EDARADD: variants seen among roughly 807,000 people sequenced by gnomAD.
EDARADD encodes the protein ectodysplasin-A receptor-associated adapter protein.
EDARADD carries 20 observed loss-of-function variants against 25.6 expected under a neutral mutation model. That is an observed-to-expected ratio of 0.78 (90% CI 0.55 to 1.14). The LOEUF is 1.14. Among genes scored for constraint, EDARADD ranks in the 50% most tolerant of loss-of-function variants. The pLI, the probability that EDARADD is intolerant of heterozygous loss-of-function variation, is 0.00. For missense variants in EDARADD, 225 were observed against 270.1 expected (o/e 0.83, Z 1.17); for synonymous variants, 86 against 94.4 (o/e 0.91, Z 0.52).
chr1:236,464,806 C>T (rs1033289543), intron 4 of EDARADD, among the ~76,000 whole-genome samples: 6 of 152,166 alleles, frequency 3.9e-5, no homozygotes, highest in Admixed American at 2.6e-4. Flanking sequence ...GCTGTCCTTT[C>T]GTTCCTTCCT....
chr1:236,419,990 CA>C (rs529450845), intron 3 of EDARADD, among the ~76,000 whole-genome samples: 10 of 152,058 alleles, frequency 6.6e-5, no homozygotes, highest in Non-Finnish European at 1.3e-4. Context: ...CCAGCCTGGT[CA>C]ACATGGCGAT....
intron 4 of EDARADD, among the ~76,000 whole-genome samples, chr1:236,428,339 C>G (rs1407720759): frequency 6.6e-6 from 1 of 152,206 alleles, no homozygotes; most frequent in Non-Finnish European, 1.5e-5. Context: ...TTTCTTAGTA[C>G]AGAACAAAAT....
intron 3 of EDARADD, among the ~76,000 whole-genome samples, chr1:236,351,615 C>T (rs1666915909): frequency 6.6e-6 from 1 of 151,146 alleles, no homozygotes; most frequent in African/African-American, 2.4e-5. Flanking sequence ...GAGGCTGAGG[C>T]AGGAGAATCG....
At chr1:236,473,197 T>C (rs1238978562) in intron 5 of EDARADD, among the ~76,000 whole-genome samples, 1 of 152,080 alleles carries the variant, frequency 6.6e-6, no homozygotes, top group Non-Finnish European at 1.5e-5. Flanking sequence ...AGTAAGTCAT[T>C]TTATATGGTG....
At chr1:236,369,958 C>G (rs1009597617) in intron 3 of EDARADD, among the ~76,000 whole-genome samples, 1 of 152,200 alleles carries the variant, frequency 6.6e-6, no homozygotes, top group Non-Finnish European at 1.5e-5. Flanking sequence ...TATGTAAGTG[C>G]TGGGTCTAAG....
chr1:236,427,305 A>T lies in EDARADD; in HGVS notation c.161-87A>T, dbSNP rs992655597. ...ATGCCAAGGCAGCATGTGACACTGA[A>T]CCTTAATTTTAGGTCTTACACCACG... is the stretch of plus-strand genomic sequence containing the variant. On this transcript the variant is annotated intron_variant, in intron 3 of 5. Transcript: ENST00000334232. 4.5e-6 allele frequency: 6 copies of T among 1,343,514 alleles called. No homozygotes were observed. In the African/African-American group the frequency reaches 8.9e-5, roughly 20 times the overall value. The allele number at this position is 1,343,514 out of a possible 1,614,324, so 83.2% of individuals were successfully genotyped here.
intron 4 of EDARADD, among the ~76,000 whole-genome samples, chr1:236,447,203 T>TCCTTTCTTTCCTTTCTTTCCTTTCTTTC (rs1491534464): frequency 1.2e-5 from 1 of 80,090 alleles, no homozygotes; most frequent in Admixed American, 1.4e-4. Flanking sequence ...TTTCTTTCTT[T>TCCTTTCTTTCCTTTCTTTCCTTTCTTTC]CTTTCTTTCT....
At chr1:236,369,969 G>A (rs1414881114) in intron 3 of EDARADD, among the ~76,000 whole-genome samples, 1 of 152,182 alleles carries the variant, frequency 6.6e-6, no homozygotes, top group African/African-American at 2.4e-5. Context: ...TGGGTCTAAG[G>A]GATAAGGTTG....
chr1:236,428,069 A>G (rs1657975164), intron 4 of EDARADD, among the ~76,000 whole-genome samples: 1 of 152,162 alleles, frequency 6.6e-6, no homozygotes, highest in East Asian at 1.9e-4. Context: ...AGGTCAGCAG[A>G]TAAACAAGTG....
At chr1:236,428,822 C>G (rs997216354) in intron 4 of EDARADD, among the ~76,000 whole-genome samples, 2 of 151,958 alleles carry the variant, frequency 1.3e-5, no homozygotes, top group Non-Finnish European at 2.9e-5. Flanking sequence ...GGAGATCACG[C>G]CACTGCACTC....
chr1:236,430,084 T>C (rs916546358), intron 4 of EDARADD, among the ~76,000 whole-genome samples: 2 of 152,240 alleles, frequency 1.3e-5, no homozygotes, highest in African/African-American at 4.8e-5. Flanking sequence ...CAATAGTTGA[T>C]AAAATAAGCA....
intron 3 of EDARADD, among the ~76,000 whole-genome samples, chr1:236,364,862 A>C (rs1424744909): frequency 4.6e-5 from 7 of 152,134 alleles, no homozygotes; most frequent in Non-Finnish European, 1.0e-4. Context: ...TTCCAATCTG[A>C]TGCTTTTTAT....
intron 3 of EDARADD, among the ~76,000 whole-genome samples, chr1:236,370,751 A>C (rs1330104244): frequency 6.6e-6 from 1 of 152,170 alleles, no homozygotes; most frequent in Non-Finnish European, 1.5e-5. Context: ...AAGCACACTG[A>C]TCTTAGGAGC....
rs1225240666 is a variant in EDARADD at position 236,402,118 on chromosome 1, T to C, written c.62-7098T>C. 3.3e-5 allele frequency among the ~76,000 whole-genome samples: 5 copies of C among 152,208 alleles called. No individual in the cohort carries two copies. The East Asian group carries it at 7.7e-4, about 24-fold the overall frequency. On this transcript the variant is annotated intron_variant, in intron 1 of 5. Coordinates refer to ENST00000334232, the MANE Select transcript of EDARADD (RefSeq NM_145861.4). ...CTGAGATTACAGGCATCCATCACCG[T>C]GCCCAGTTAATTTTTTTATTTTTAA...
chr1:236,477,404 A>G (rs528914254), intron 5 of EDARADD, among the ~76,000 whole-genome samples: 1 of 152,178 alleles, frequency 6.6e-6, no homozygotes, highest in South Asian at 2.1e-4. Flanking sequence ...AGTCCCAGCT[A>G]CTCGGGAGGC....
At chr1:236,360,793 C>T (rs1366882306) in intron 3 of EDARADD, among the ~76,000 whole-genome samples, 1 of 152,026 alleles carries the variant, frequency 6.6e-6, no homozygotes, top group East Asian at 1.9e-4. Context: ...GTGATTTGCC[C>T]ACCTTGGCCT....
Position 236,483,760 on chromosome 1 carries a change from A to G in EDARADD, c.*1111A>G. 1.3e-6 allele frequency: 2 copies of G among 1,492,592 alleles called. No individual in the cohort carries two copies. The highest frequency in any genetic ancestry group is 1.9e-6 in the Non-Finnish European group (2 of 1,071,332). The allele number at this position is 1,492,592 out of a possible 1,614,324, so 92.5% of individuals were successfully genotyped here. A position where few individuals can be genotyped will look rare whatever the true frequency, so the allele number is the denominator to read the frequency against. On this transcript the variant is annotated 3_prime_UTR_variant, in exon 6 of 6. Transcript: ENST00000334232. Reference sequence around the variant, plus strand: ...AGCCTGAAGAATGTCATCAAGGAGAAATATGGGAAAGATGCCACCGGTGTG... The same window carrying G: ...AGCCTGAAGAATGTCATCAAGGAGAGATATGGGAAAGATGCCACCGGTGTG...
Position 236,379,848 on chromosome 1 carries a change from G to A in EDARADD, c.-6+29009G>A, listed in dbSNP as rs1363361444. 2.6e-5 allele frequency among the ~76,000 whole-genome samples: 4 copies of A among 152,094 alleles called. No homozygotes were observed. In the East Asian group the frequency reaches 5.8e-4, roughly 22 times the overall value. ...AATTCTTAATGATCACAAGAGAAAC[G>A]TAAATTAATTTGTTAACCTATGATA... On this transcript the variant is annotated intron_variant, in intron 3 of 7. Coordinates refer to the EDARADD transcript ENST00000439430.
At chr1:236,405,039 A>G (rs1269394302) in intron 1 of EDARADD, among the ~76,000 whole-genome samples, 1 of 152,100 alleles carries the variant, frequency 6.6e-6, no homozygotes, top group Non-Finnish European at 1.5e-5. Context: ...GATTGGAGTG[A>G]GCCGAGATCA....
Sources: allele counts gnomAD v4.1 joint callset (sites outside exome capture counted in the v4.1 genomes callset), GRCh38; gene constraint gnomAD v4.1.1; transcripts MANE v1.5; gene names NCBI Gene and HGNC (gene_info 2026-07-23, HGNC 2026-07-21).